CCDC34: variants seen among roughly 807,000 people sequenced by gnomAD.
CCDC34 encodes the protein coiled-coil domain containing 34, also known as coiled-coil domain-containing protein 34.
Under a neutral mutation model 44.1 loss-of-function variants are expected in CCDC34, and 40 were observed. The observed-to-expected ratio is 0.91, with a 90% CI of 0.70 to 1.18. CCDC34 has a LOEUF of 1.18. CCDC34 is among the 50% of genes most tolerant of loss of function. The pLI is 0.00. For missense variants in CCDC34, 466 were observed against 452.3 expected (o/e 1.03, Z -0.28); for synonymous variants, 159 against 158.2 (o/e 1.01, Z -0.04).
chr11:27,340,072 A>G lies in CCDC34; in HGVS notation c.907+624T>C, dbSNP rs556611676. Among the ~76,000 whole-genome samples the G allele has an allele frequency of 6.2e-4, 95 of 152,276 alleles. No individual in the cohort carries two copies. In the South Asian group the frequency reaches 9.3e-3, roughly 15 times the overall value. ...ACTTGGCATAGATATGCCAACACTCACTTCACCAAGATGGTCAAAACAAAG... is the reference window on the plus strand; with the variant it reads ...ACTTGGCATAGATATGCCAACACTCGCTTCACCAAGATGGTCAAAACAAAG... On this transcript the variant is annotated intron_variant, in intron 5 of 5. Transcript: ENST00000328697.
intron 2 of CCDC34, among the ~76,000 whole-genome samples, chr11:27,351,991 T>C (rs887472479): frequency 6.6e-6 from 1 of 152,072 alleles, no homozygotes; most frequent in Non-Finnish European, 1.5e-5. Flanking sequence ...GAGCTCTTAA[T>C]GACAAAGGCT....
At chr11:27,350,228 G>C in intron 3 of CCDC34, 104 bp downstream of exon 3, 1 of 1,590,868 alleles carries the variant, frequency 6.3e-7, no homozygotes, top group Non-Finnish European at 8.5e-7. Context: ...AAAGAAGAAA[G>C]ACTCTAAGAG....
chr11:27,359,671 T>A (rs1046941821), intron 1 of CCDC34, among the ~76,000 whole-genome samples: 5 of 152,164 alleles, frequency 3.3e-5, no homozygotes, highest in African/African-American at 1.2e-4. Context: ...GTACATTTTT[T>A]AAAAAACTTC....
intron 5 of CCDC34, among the ~76,000 whole-genome samples, chr11:27,339,637 A>C (rs1862325508): frequency 6.6e-6 from 1 of 152,198 alleles, no homozygotes; most frequent in Admixed American, 6.5e-5. Context: ...AAGGAAGAAC[A>C]TTTTACATAT....
intron 1 of CCDC34, among the ~76,000 whole-genome samples, chr11:27,358,300 C>T (rs1862608156): frequency 6.6e-6 from 1 of 152,152 alleles, no homozygotes; most frequent in African/African-American, 2.4e-5. Context: ...ATAAAGAACA[C>T]AGGGTCTTGG....
chr11:27,356,898 G>A (rs1862584156), intron 2 of CCDC34, among the ~76,000 whole-genome samples: 1 of 114,202 alleles, frequency 8.8e-6, no homozygotes, highest in Non-Finnish European at 1.9e-5. Context: ...TGGTGGGGTG[G>A]GGTGGGGTTG....
At position 27,338,925 on chromosome 11, in the gene CCDC34, T is replaced by G; in HGVS notation, c.1018A>C (p.Ser340Arg). 1 of 1,613,836 alleles carries G rather than the reference T, an allele frequency of 6.2e-7. No individual in the cohort carries two copies. Among genetic ancestry groups the G allele is most frequent in the Non-Finnish European group, 8.5e-7 (1 of 1,179,834 alleles). ...GGCTGACTTATCACAGGTCTTTTAC[T>G]CTTCCTTCCTGATAGATCCTTAGCT... is the stretch of plus-strand genomic sequence containing the variant. ...KEAKDLSGRK[S>R]KRPVISQPHK... The change falls in exon 6 of 6, where the codon AGT becomes CGT. Residue 340 changes from serine (S) to arginine (R), a missense_variant. By Grantham distance (110) the Ser-to-Arg change is moderately radical. Coordinates refer to ENST00000328697, the MANE Select transcript of CCDC34 (RefSeq NM_030771.2).
chr11:27,353,271 C>T (rs917777791), intron 2 of CCDC34, among the ~76,000 whole-genome samples: 21 of 151,054 alleles, frequency 1.4e-4, no homozygotes, highest in Non-Finnish European at 2.7e-4. Flanking sequence ...TCGTTAAGGG[C>T]TCATTAAGGG....
chr11:27,358,173 C>T (rs1021881915), intron 1 of CCDC34, among the ~76,000 whole-genome samples: 1 of 152,198 alleles, frequency 6.6e-6, no homozygotes, highest in Non-Finnish European at 1.5e-5. Context: ...CTGGTTACCT[C>T]CTACCATAGT....
chr11:27,359,551 C>G (rs980067650), intron 1 of CCDC34, among the ~76,000 whole-genome samples: 4 of 151,650 alleles, frequency 2.6e-5, no homozygotes, highest in Non-Finnish European at 4.4e-5. Flanking sequence ...TGCAGTGGCG[C>G]GATCTCCGCT....
chr11:27,346,957 G>C (rs541173636), intron 3 of CCDC34, among the ~76,000 whole-genome samples: 1 of 152,264 alleles, frequency 6.6e-6, no homozygotes, highest in South Asian at 2.1e-4. Context: ...CGTGGAGAGA[G>C]GCCACAGGAG....
chr11:27,352,803 T>C (rs1565060853), intron 2 of CCDC34, among the ~76,000 whole-genome samples: 1 of 152,198 alleles, frequency 6.6e-6, no homozygotes, highest in Non-Finnish European at 1.5e-5. Flanking sequence ...AGGGTCAAAA[T>C]GTATCTAGAA....
intron 1 of CCDC34, among the ~76,000 whole-genome samples, chr11:27,360,532 T>C (rs560645372): frequency 2.0e-5 from 3 of 152,210 alleles, no homozygotes; most frequent in East Asian, 1.9e-4. Context: ...CAGCTCTAGG[T>C]TGCTCTCTGC....
At position 27,350,418 on chromosome 11, in the gene CCDC34, T is replaced by C; in HGVS notation, c.520A>G (p.Lys174Glu). The C allele has an allele frequency of 1.2e-6, 2 of 1,606,438 alleles. No homozygotes were observed. Among genetic ancestry groups the C allele is most frequent in the African/African-American group, 1.3e-5 (1 of 74,738 alleles). The stretch of plus-strand genomic sequence containing the variant: ...TCACGTTCTTCCATTTCTTTTCTTT[T>C]TTCTAGTTGTTGATTTAATTCCTGT... ...ALEELNQQLE[K>E]RKEMEEREKR... The change falls in exon 3 of 6, where the codon AAA becomes GAA. Residue 174 changes from lysine to glutamate, a missense_variant. Transcript: ENST00000328697.
At chr11:27,340,980 G>T in intron 4 of CCDC34, 143 bp from the exon 5 acceptor site, 1 of 678,512 alleles carries the variant, frequency 1.5e-6, no homozygotes, top group Non-Finnish European at 2.4e-6. Context: ...TTTATAATAT[G>T]AGTAGAATAT....
At chr11:27,359,667 T>A (rs1295565246) in intron 1 of CCDC34, among the ~76,000 whole-genome samples, 3 of 152,140 alleles carry the variant, frequency 2.0e-5, no homozygotes, top group Non-Finnish European at 2.9e-5. Context: ...CTATGTACAT[T>A]TTTTAAAAAA....
chr11:27,352,926 CCTT>C (rs990806674), intron 2 of CCDC34, among the ~76,000 whole-genome samples: 7 of 152,112 alleles, frequency 4.6e-5, no homozygotes, highest in Non-Finnish European at 7.3e-5. Context: ...CAAGTCTGGC[CCTT>C]CTTAGAATTT....
At chr11:27,354,895 A>G (rs1463983603) in intron 2 of CCDC34, among the ~76,000 whole-genome samples, 5 of 152,102 alleles carry the variant, frequency 3.3e-5, no homozygotes, top group Non-Finnish European at 7.4e-5. Flanking sequence ...TACACTTTTA[A>G]CTACTCCACT....
chr11:27,348,803 GAA>G (rs34797091), intron 3 of CCDC34: 223,133 of 751,562 alleles, frequency 0.3, 15,055 homozygotes, highest in African/African-American at 0.58. Context: ...AGGTCTTAAA[GAA>G]AAAAAAAAAA....
Sources: allele counts gnomAD v4.1 joint callset (sites outside exome capture counted in the v4.1 genomes callset), GRCh38; gene constraint gnomAD v4.1.1; transcripts MANE v1.5; gene names NCBI Gene and HGNC (gene_info 2026-07-23, HGNC 2026-07-21).